Variants in RORB observed in about 807,000 individuals in gnomAD.
RORB encodes the protein nuclear receptor ROR-beta.
In RORB, 6 loss-of-function variants were observed where a neutral mutation model predicts 59.1. The ratio of observed to expected loss-of-function variants is 0.10; its 90% confidence interval spans 0.06 to 0.20. RORB has a LOEUF of 0.20. Among genes scored for constraint, RORB ranks in the 10% least tolerant of loss-of-function variants. RORB has a pLI of 1.00. For missense variants in RORB, 320 were observed against 560.5 expected (o/e 0.57, Z 4.33); for synonymous variants, 215 against 204.5 (o/e 1.05, Z -0.44).
At chr9:74,516,972 G>T (rs79966389) in intron 1 of RORB, among the ~76,000 whole-genome samples, 1 of 151,942 alleles carries the variant, frequency 6.6e-6, no homozygotes, top group East Asian at 1.9e-4. Flanking sequence ...TTCTTTCAGG[G>T]GAGTGTTTTA....
chr9:74,565,551 T>C (rs1822457663), intron 1 of RORB, among the ~76,000 whole-genome samples: 1 of 152,188 alleles, frequency 6.6e-6, no homozygotes. Flanking sequence ...TTACTTTTAA[T>C]TTGATAAGTA....
chr9:74,613,093 G>A (rs1343549809), intron 1 of RORB, among the ~76,000 whole-genome samples: 1 of 151,954 alleles, frequency 6.6e-6, no homozygotes, highest in Non-Finnish European at 1.5e-5. Context: ...AAGAATGAAT[G>A]ATAACCAGAG....
chr9:74,618,678 G>T (rs1823353650), intron 1 of RORB, among the ~76,000 whole-genome samples: 1 of 152,068 alleles, frequency 6.6e-6, no homozygotes, highest in Admixed American at 6.6e-5. Flanking sequence ...GTCTATCAAT[G>T]AACAGAATGA....
intron 1 of RORB, among the ~76,000 whole-genome samples, chr9:74,564,191 C>A (rs1246830699): frequency 2.6e-5 from 4 of 152,268 alleles, no homozygotes; most frequent in African/African-American, 9.6e-5. Flanking sequence ...AGACACTTAG[C>A]CCCTCTGAGT....
At chr9:74,580,691 A>G (rs570224926) in intron 1 of RORB, among the ~76,000 whole-genome samples, 6 of 152,278 alleles carry the variant, frequency 3.9e-5, no homozygotes, top group Admixed American at 3.3e-4. Flanking sequence ...CATTTTCCTT[A>G]AACTGCTGAT....
chr9:74,513,947 A>G (rs1490204430), intron 1 of RORB, among the ~76,000 whole-genome samples: 12 of 152,064 alleles, frequency 7.9e-5, no homozygotes. Flanking sequence ...AGGATCCACA[A>G]TTTCTATTCC....
At chr9:74,609,091 A>T (rs889516808) in intron 1 of RORB, among the ~76,000 whole-genome samples, 1 of 152,214 alleles carries the variant, frequency 6.6e-6, no homozygotes, top group South Asian at 2.1e-4. Flanking sequence ...CTATGCTTTC[A>T]TCTATAATTT....
At chr9:74,643,817 A>G (rs1823851335) in intron 4 of RORB, among the ~76,000 whole-genome samples, 1 of 152,206 alleles carries the variant, frequency 6.6e-6, no homozygotes, top group African/African-American at 2.4e-5. Flanking sequence ...GAGCAGAGCA[A>G]TTAAGAACTG....
chr9:74,610,337 A>ATGTAGAGAAAAATAACAGAGATTTT (rs1420724179), intron 1 of RORB, among the ~76,000 whole-genome samples: 1 of 152,238 alleles, frequency 6.6e-6, no homozygotes, highest in Non-Finnish European at 1.5e-5. Context: ...TTTGAGAAAC[A>ATGTAGAGAAAAATAACAGAGATTTT]TGTAGAGAAA....
chr9:74,547,121 G>GT (rs766447859), intron 1 of RORB, among the ~76,000 whole-genome samples: 3 of 151,958 alleles, frequency 2.0e-5, no homozygotes, highest in East Asian at 1.9e-4. Context: ...GATTGTTTTG[G>GT]TTTTTTTTGT....
chr9:74,584,325 C>T (rs1327081702), intron 1 of RORB, among the ~76,000 whole-genome samples: 2 of 152,114 alleles, frequency 1.3e-5, no homozygotes, highest in Non-Finnish European at 2.9e-5. Context: ...GAGTTGTACT[C>T]GCTGCATAAC....
intron 1 of RORB, among the ~76,000 whole-genome samples, chr9:74,503,328 G>C (rs1206117362): frequency 4.6e-5 from 7 of 151,986 alleles, no homozygotes; most frequent in Admixed American, 4.6e-4. Flanking sequence ...AGCAGTCTTT[G>C]GAGGCGTCTG....
chr9:74,591,294 G>A (rs1699002189), intron 1 of RORB, among the ~76,000 whole-genome samples: 1 of 152,104 alleles, frequency 6.6e-6, no homozygotes, highest in Non-Finnish European at 1.5e-5. Flanking sequence ...ATCTAGAATT[G>A]GGACCATGAT....
rs546504870 is a variant in RORB, at chr9:74,603,177, T to C, written c.8-27105T>C. Among the ~76,000 whole-genome samples, 15 of 152,292 alleles carry C rather than the reference T, an allele frequency of 9.8e-5. No homozygotes were observed. The South Asian group carries it at 2.3e-3, about 23-fold the overall frequency. On this transcript the variant is annotated intron_variant, in intron 1 of 9. Transcript: ENST00000376896. ...GGTACTCAACCCCAAAACATGCATA[T>C]GCCCAGTCGTGGCTCTCAGAGAGGA...
intron 1 of RORB, among the ~76,000 whole-genome samples, chr9:74,572,389 T>C (rs1005177788): frequency 3.9e-5 from 6 of 152,152 alleles, no homozygotes; most frequent in Non-Finnish European, 8.8e-5. Flanking sequence ...TGAAGTCTTT[T>C]TCCTGAGCTT....
At chr9:74,675,451 A>T (rs934210817) in intron 9 of RORB, among the ~76,000 whole-genome samples, 1 of 152,070 alleles carries the variant, frequency 6.6e-6, no homozygotes, top group Non-Finnish European at 1.5e-5. Flanking sequence ...ATGGTCTTTA[A>T]GGTCTCTTTA....
In RORB at chr9:74,497,740, C is replaced by CAAAA. The variant is rs1293965456; in HGVS notation, c.-234_-233insAAAA. The CAAAA allele has an allele frequency of 8.2e-6, 4 of 485,132 alleles. No homozygotes were observed. Among genetic ancestry groups the CAAAA allele is most frequent in the Non-Finnish European group, 1.5e-5 (4 of 271,292 alleles). 30.1% of individuals were successfully genotyped at this position (485,132 alleles called of 1,614,324 possible). On this transcript the variant is annotated 5_prime_UTR_variant, in exon 1 of 10. Coordinates refer to ENST00000376896, the MANE Select transcript of RORB (RefSeq NM_006914.4). ...TTTTTTCACCCTTCCTGAAAACAAA[C>CAAAA]AAACAAACAAACAATCATCAAAACA...
chr9:74,642,333 A>C (rs1489670097), intron 3 of RORB, 81 bp from the exon 4 acceptor site: 1 of 1,390,652 alleles, frequency 7.2e-7, no homozygotes, highest in South Asian at 1.4e-5. Context: ...AGGGACAACC[A>C]TCCCATGACC....
At chr9:74,668,258 C>T (rs932100518) in intron 8 of RORB, among the ~76,000 whole-genome samples, 1 of 152,186 alleles carries the variant, frequency 6.6e-6, no homozygotes, top group Non-Finnish European at 1.5e-5. Context: ...TTGGATGAGA[C>T]ACAGTAGAAA....
Sources: gnomAD v4.1 joint callset for allele counts (sites outside exome capture counted in the v4.1 genomes callset) on GRCh38, gnomAD v4.1.1 for gene constraint, MANE v1.5 for transcripts, NCBI Gene and HGNC (gene_info 2026-07-23, HGNC 2026-07-21) for gene names.